The following IGSF5 variants were observed in gnomAD, a reference collection of about 807,000 sequenced individuals.
IGSF5 encodes the protein immunoglobulin superfamily member 5.
Under a neutral mutation model 39.4 loss-of-function variants are expected in IGSF5, and 41 were observed. The ratio of observed to expected loss-of-function variants is 1.04; its 90% CI spans 0.81 to 1.35. IGSF5 has a LOEUF of 1.35. Among genes scored for constraint, IGSF5 ranks in the 40% most tolerant of loss-of-function variants. The pLI, the probability that IGSF5 is intolerant of heterozygous loss-of-function variation, is 0.00. For missense variants in IGSF5, 487 were observed against 494.6 expected, an observed-to-expected ratio of 0.98 and a Z score of 0.15; for synonymous variants, 183 against 175.3, an observed-to-expected ratio of 1.04 and a Z score of -0.34.
the IGSF5 span, among the ~76,000 whole-genome samples, chr21:39,731,847 G>C: frequency 6.6e-6 from 1 of 152,174 alleles, no homozygotes; most frequent in East Asian, 1.9e-4. Flanking sequence ...TAATAAATAG[G>C]TATAGTTTTA....
intron 8 of IGSF5, among the ~76,000 whole-genome samples, chr21:39,796,995 G>A (rs2146296597): frequency 1.3e-5 from 2 of 152,276 alleles, no homozygotes; most frequent in Middle Eastern, 3.4e-3. Context: ...TGCTCATGCT[G>A]CATCCTCCTC....
intron 5 of IGSF5, among the ~76,000 whole-genome samples, chr21:39,781,120 G>C (rs139467079): frequency 2.9e-4 from 44 of 152,264 alleles, no homozygotes; most frequent in African/African-American, 9.6e-4. Flanking sequence ...TTAGTTCCTC[G>C]ATGAATTTGG....
the IGSF5 span, among the ~76,000 whole-genome samples, chr21:39,715,171 G>A: frequency 6.6e-6 from 1 of 151,810 alleles, no homozygotes; most frequent in Non-Finnish European, 1.5e-5. Flanking sequence ...AGGCTGGAAT[G>A]CAGTGGCGTC....
At chr21:39,747,951 AC>A (rs200002723) in intron 2 of IGSF5, among the ~76,000 whole-genome samples, 11,807 of 149,656 alleles carry the variant, frequency 0.079, 1,431 homozygotes, top group African/African-American at 0.27. Flanking sequence ...AAAAAAAAAA[AC>A]AACCGATTCC....
At chr21:39,765,055 T>C (rs1209600190) in intron 2 of IGSF5, among the ~76,000 whole-genome samples, 1 of 152,144 alleles carries the variant, frequency 6.6e-6, no homozygotes, top group Non-Finnish European at 1.5e-5. Context: ...ATTCCTTGGC[T>C]TGTAGATGCA....
intron 4 of IGSF5, among the ~76,000 whole-genome samples, chr21:39,777,422 T>C (rs1396042761): frequency 1.3e-5 from 2 of 152,186 alleles, no homozygotes; most frequent in Non-Finnish European, 2.9e-5. Flanking sequence ...GCATGTGCAA[T>C]GATATTCCAG....
At chr21:39,730,469 T>C in the IGSF5 span, 16 of 152,268 alleles carry the variant, frequency 1.1e-4, no homozygotes, top group East Asian at 3.1e-3. Flanking sequence ...ACTCAACCCA[T>C]ACCAGCTTGC....
At chr21:39,740,133 T>G in the IGSF5 span, among the ~76,000 whole-genome samples, 1 of 152,214 alleles carries the variant, frequency 6.6e-6, no homozygotes. Flanking sequence ...CCTCGTGAGA[T>G]TCCCCATTCT....
chr21:39,717,675 T>C, the IGSF5 span, among the ~76,000 whole-genome samples: 1 of 152,202 alleles, frequency 6.6e-6, no homozygotes, highest in East Asian at 1.9e-4. Context: ...ATTTCTGGGC[T>C]CTCTATTCTG....
upstream of IGSF5, among the ~76,000 whole-genome samples, chr21:39,741,795 C>T (rs1395420413): frequency 6.6e-6 from 1 of 152,088 alleles, no homozygotes; most frequent in African/African-American, 2.4e-5. Context: ...GACTGTAAAC[C>T]ACTCTGCTTC....
the IGSF5 span, chr21:39,727,797 T>C: frequency 0.31 from 46,512 of 152,130 alleles, 7,908 homozygotes; most frequent in African/African-American, 0.45. Context: ...CTCTGCCTCA[T>C]GCCCTCTCAG....
chr21:39,786,033 G>A (rs932056257), intron 5 of IGSF5, among the ~76,000 whole-genome samples: 1 of 152,152 alleles, frequency 6.6e-6, no homozygotes, highest in African/African-American at 2.4e-5. Flanking sequence ...TTACCATTCA[G>A]AACATAGGCA....
At chr21:39,734,437 A>AAAACACACAC in the IGSF5 span, among the ~76,000 whole-genome samples, 1 of 59,502 alleles carries the variant, frequency 1.7e-5, no homozygotes, top group African/African-American at 7.8e-5. Context: ...AAAAAAAAAA[A>AAAACACACAC]ATACACACAC....
At chr21:39,784,679 ATGCCCACCT>A (rs1328504324) in intron 5 of IGSF5, among the ~76,000 whole-genome samples, 3 of 152,050 alleles carry the variant, frequency 2.0e-5, no homozygotes, top group African/African-American at 7.2e-5. Flanking sequence ...CCTACTTACA[ATGCCCACCT>A]TGCCCCACCA....
At chr21:39,716,113 C>T in the IGSF5 span, among the ~76,000 whole-genome samples, 2 of 152,134 alleles carry the variant, frequency 1.3e-5, no homozygotes, top group Non-Finnish European at 2.9e-5. Flanking sequence ...CACTAGAGCC[C>T]GCAGTGAGTA....
At chr21:39,788,504 A>C (rs904115654) in intron 6 of IGSF5, among the ~76,000 whole-genome samples, 3 of 152,200 alleles carry the variant, frequency 2.0e-5, no homozygotes, top group African/African-American at 7.2e-5. Flanking sequence ...CACCATGACT[A>C]TCATCCCGCC....
At chr21:39,727,664 C>G in the IGSF5 span, 1 of 152,268 alleles carries the variant, frequency 6.6e-6, no homozygotes, top group African/African-American at 2.4e-5. Flanking sequence ...CTGCAGGTGG[C>G]GTGTCCACCA....
At chr21:39,717,137 A>G in the IGSF5 span, among the ~76,000 whole-genome samples, 2 of 152,076 alleles carry the variant, frequency 1.3e-5, no homozygotes, top group Non-Finnish European at 2.9e-5. Context: ...TCTTGGACGC[A>G]TGTATGTCTT....
At chr21:39,768,326 A>G (rs1485043299) in intron 3 of IGSF5, among the ~76,000 whole-genome samples, 1 of 152,180 alleles carries the variant, frequency 6.6e-6, no homozygotes, top group South Asian at 2.1e-4. Flanking sequence ...TTATTCTATG[A>G]TTTTTTCACC....
Sources: allele counts gnomAD v4.1 joint callset (sites outside exome capture counted in the v4.1 genomes callset), GRCh38; gene constraint gnomAD v4.1.1; transcripts MANE v1.5; gene names NCBI Gene and HGNC (gene_info 2026-07-23, HGNC 2026-07-21).